MTCL1: variants seen among roughly 807,000 people sequenced by gnomAD.
The protein encoded by MTCL1 is microtubule crosslinking factor 1, also known as microtubule cross-linking factor 1.
Under a neutral mutation model 141.4 loss-of-function variants are expected in MTCL1, and 79 were observed. The ratio of observed to expected loss-of-function variants is 0.56; its 90% CI spans 0.47 to 0.67. The LOEUF (loss-of-function observed/expected upper bound fraction) is 0.67. Among genes scored for constraint, MTCL1 ranks in the 30% least tolerant of loss-of-function variants. MTCL1 has a pLI of 0.00. For synonymous variants in MTCL1, 914 were observed against 875.8 expected, an observed-to-expected ratio of 1.04 and a Z score of -0.77; for missense variants, 2,177 against 2,113.9, an observed-to-expected ratio of 1.03 and a Z score of -0.59.
chr18:8,707,089 T>G, intron 1 of MTCL1: 1 of 174,432 alleles, frequency 5.7e-6, no homozygotes, highest in Non-Finnish European at 1.2e-5. Flanking sequence ...CAGGTGATCC[T>G]TCGCCAGGGA....
chr18:8,829,052 G>T (rs2077115307), intron 16 of MTCL1: 13 of 1,606,536 alleles, frequency 8.1e-6, no homozygotes, highest in Non-Finnish European at 1.0e-5. Context: ...TCACCTGAGG[G>T]AGTTCTGCCC....
chr18:8,756,086 A>G (rs989791328), intron 4 of MTCL1, among the ~76,000 whole-genome samples: 2 of 152,216 alleles, frequency 1.3e-5, no homozygotes, highest in African/African-American at 4.8e-5. Context: ...ACAGTGGGCC[A>G]AGATCGCACC....
chr18:8,804,194 T>C (rs183430248), intron 10 of MTCL1, among the ~76,000 whole-genome samples: 2 of 152,296 alleles, frequency 1.3e-5, no homozygotes, highest in East Asian at 3.9e-4. Flanking sequence ...AAGATGTATA[T>C]TTCTGAAAAG....
intron 4 of MTCL1, among the ~76,000 whole-genome samples, chr18:8,756,553 G>GTA (rs1460441429): frequency 1.3e-5 from 2 of 151,604 alleles, no homozygotes; most frequent in Non-Finnish European, 2.9e-5. Context: ...GTATATATAT[G>GTA]TATATATATC....
chr18:8,737,344 G>A (rs998422000), intron 4 of MTCL1, among the ~76,000 whole-genome samples: 1 of 152,186 alleles, frequency 6.6e-6, no homozygotes, highest in Non-Finnish European at 1.5e-5. Flanking sequence ...TTTTAAGGAT[G>A]GGTTTAGAGA....
At chr18:8,819,639 T>C (rs914415786) in intron 13 of MTCL1, among the ~76,000 whole-genome samples, 1 of 152,186 alleles carries the variant, frequency 6.6e-6, no homozygotes, top group Non-Finnish European at 1.5e-5. Context: ...GGTCTCACTC[T>C]CTTGCCCAGG....
chr18:8,815,647 A>G (rs1036672123), intron 12 of MTCL1, among the ~76,000 whole-genome samples: 1 of 137,862 alleles, frequency 7.3e-6, no homozygotes, highest in Non-Finnish European at 1.5e-5. Flanking sequence ...CATTAACATT[A>G]AAAAAAAAAA....
chr18:8,738,015 A>AT (rs2096282753), intron 4 of MTCL1, among the ~76,000 whole-genome samples: 1 of 152,200 alleles, frequency 6.6e-6, no homozygotes, highest in Non-Finnish European at 1.5e-5. Context: ...CTTCAATAGT[A>AT]TTTAAGAAGC....
intron 6 of MTCL1, 121 bp downstream of exon 5, chr18:8,784,964 G>A (rs1254087420): frequency 1.2e-6 from 1 of 826,498 alleles, no homozygotes; most frequent in African/African-American, 1.8e-5. Context: ...AACCTGCATT[G>A]TACTAAAGCC....
At chr18:8,812,014 A>G (rs4797334) in intron 11 of MTCL1, among the ~76,000 whole-genome samples, 48,994 of 152,146 alleles carry the variant, frequency 0.32, 8,337 homozygotes, top group East Asian at 0.55. Flanking sequence ...GGAAATTGCA[A>G]CAGTGTATTC....
intron 4 of MTCL1, among the ~76,000 whole-genome samples, chr18:8,775,992 G>A (rs1289199471): frequency 1.3e-5 from 2 of 152,202 alleles, no homozygotes; most frequent in Non-Finnish European, 2.9e-5. Flanking sequence ...TGAGAGTGAG[G>A]CACTTAAAAT....
At chr18:8,758,195 G>A (rs887508462) in intron 4 of MTCL1, among the ~76,000 whole-genome samples, 2 of 151,952 alleles carry the variant, frequency 1.3e-5, no homozygotes, top group Non-Finnish European at 2.9e-5. Flanking sequence ...GGCTAATTTT[G>A]TATTTTTAGT....
chr18:8,747,599 A>T (rs923891957), intron 4 of MTCL1, among the ~76,000 whole-genome samples: 10 of 152,162 alleles, frequency 6.6e-5, no homozygotes, highest in African/African-American at 2.2e-4. Context: ...GATCCGGCCC[A>T]TGCAGTCTAG....
At chr18:8,726,537 ATGCGCGC>A (rs1567945453) in intron 4 of MTCL1, among the ~76,000 whole-genome samples, 1,808 of 94,120 alleles carry the variant, frequency 0.019, 15 homozygotes, top group African/African-American at 0.034. Flanking sequence ...GCGAGTGCGC[ATGCGCGC>A]GCGCAACAAG....
At chr18:8,829,878 C>T in intron 16 of MTCL1, 2 of 985,238 alleles carry the variant, frequency 2.0e-6, no homozygotes, top group Non-Finnish European at 2.4e-6. Context: ...GGTTGATTCC[C>T]TTGAATGCAG....
chr18:8,783,059 G>C (rs2096538015), intron 5 of MTCL1, among the ~76,000 whole-genome samples: 1 of 152,210 alleles, frequency 6.6e-6, no homozygotes, highest in African/African-American at 2.4e-5. Flanking sequence ...CTGCACGTTG[G>C]AGGTGGTGAG....
intron 4 of MTCL1, among the ~76,000 whole-genome samples, chr18:8,736,072 C>G (rs951944478): frequency 6.6e-6 from 1 of 152,146 alleles, no homozygotes; most frequent in East Asian, 1.9e-4. Context: ...ACTTTTTAAT[C>G]CTGTGTCACA....
chr18:8,792,979 C>A lies in MTCL1; in HGVS notation c.1888-19C>A, dbSNP rs1373562137. The A allele has an allele frequency of 1.9e-6, 3 of 1,612,772 alleles. No individual in the cohort carries two copies. Among genetic ancestry groups the A allele is most frequent in the East Asian group, 2.2e-5 (1 of 44,860 alleles). On this transcript the variant is annotated intron_variant, in intron 7 of 16. Coordinates refer to ENST00000359865, the Ensembl canonical transcript of MTCL1. ...AGTTCTCATTTCCACTAAACCCCTT[C>A]CTTTATCCCACCGATCAGCTCAGGG...
chr18:8,820,301 T>G (rs1222831530), intron 13 of MTCL1, among the ~76,000 whole-genome samples: 1 of 151,968 alleles, frequency 6.6e-6, no homozygotes, highest in Non-Finnish European at 1.5e-5. Flanking sequence ...TCCCAGCTAC[T>G]TGGGAGACTG....
Sources: allele counts gnomAD v4.1 joint callset (sites outside exome capture counted in the v4.1 genomes callset), GRCh38; gene constraint gnomAD v4.1.1; transcripts MANE v1.5; gene names NCBI Gene and HGNC (gene_info 2026-07-23, HGNC 2026-07-21).